MKNK1: variants seen among roughly 807,000 people sequenced by gnomAD.
MKNK1 encodes MAP kinase-interacting serine/threonine-protein kinase 1.
A neutral mutation model predicts 49.3 loss-of-function variants in MKNK1; 30 were observed. That is an observed-to-expected ratio of 0.61 (90% CI 0.46 to 0.83). MKNK1 has a LOEUF of 0.83. Among genes scored for constraint, MKNK1 ranks in the 40% least tolerant of loss-of-function variants. The pLI is 0.00. For missense variants in MKNK1, 423 were observed against 524.7 expected, an observed-to-expected ratio of 0.81 and a Z score of 1.89; for synonymous variants, 176 against 201.7, an observed-to-expected ratio of 0.87 and a Z score of 1.08.
rs1675121704 is a variant in MKNK1 at position 46,604,242 on chromosome 1, C to A, written c.-228G>T. The A allele has an allele frequency of 6.6e-6, 1 of 152,244 alleles. No individual in the cohort carries two copies. The allele number at this position is 152,244 out of a possible 1,614,324, so 9.4% of individuals were successfully genotyped here. On this transcript the variant is annotated 5_prime_UTR_variant, in exon 1 of 13. Coordinates refer to ENST00000371945, the MANE Select transcript of MKNK1 (RefSeq NM_001135553.4). ...GCACCCCTACCTGCAGATCGCTCCT[C>A]CGAGAACGCGGAAGAGGCGGTGCTA...
At position 46,558,713 on chromosome 1, in the gene MKNK1, T is replaced by C; in HGVS notation, c.1101A>G (p.Leu367=). Residue 367 remains leucine, a synonymous_variant, in exon 13 of 13, where the codon CTA becomes CTG. Coordinates refer to ENST00000371945, the MANE Select transcript of MKNK1 (RefSeq NM_001135553.4). ...RQLSQHEENE[L]AEEPEALADG... is the part of the protein sequence containing the mutation. Reference sequence around the variant, plus strand: ...CAGCTAGTGCCTCTGGCTCCTCTGCTAGTTCGTTCTCTTCGTGCTGAGATA... The same window carrying C: ...CAGCTAGTGCCTCTGGCTCCTCTGCCAGTTCGTTCTCTTCGTGCTGAGATA... The C allele has an allele frequency of 6.2e-7, 1 of 1,614,240 alleles. No homozygotes were observed.
chr1:46,561,429 T>C (rs1399598182), intron 11 of MKNK1, 49 bp downstream of exon 11: 1 of 1,534,954 alleles, frequency 6.5e-7, no homozygotes. Flanking sequence ...CTTGTGGCCA[T>C]GCCACAGGCC....
intron 1 of MKNK1, 37 bp from the exon 2 acceptor site, chr1:46,594,317 T>C: frequency 2.9e-6 from 2 of 679,834 alleles, no homozygotes; most frequent in South Asian, 1.5e-5. Context: ...ATCAAAATGC[T>C]GACTTCTTTA....
rs770084718 is a variant in MKNK1 at position 46,558,745 on chromosome 1, G to A, written c.1069C>T (p.Arg357Cys). The change falls in exon 13 of 13, where the codon CGC becomes TGC. Residue 357 changes from arginine (R) to cysteine (C), a missense_variant. Transcript: ENST00000371945. ...TTCTCTTCGTGCTGAGATAGCTGGCGGTTAAGGGCGATGGCCTCAGCTGCG... is the reference window on the plus strand; with the variant it reads ...TTCTCTTCGTGCTGAGATAGCTGGCAGTTAAGGGCGATGGCCTCAGCTGCG... ...LFAAEAIALN[R>C]QLSQHEENEL... is the part of the protein sequence containing the mutation. 1.2e-6 allele frequency: 2 copies of A among 1,614,154 alleles called. No homozygotes were observed. The highest frequency in any genetic ancestry group is 1.7e-5 in the Admixed American group (1 of 60,018).
At chr1:46,594,084 G>C in intron 2 of MKNK1, 29 bp downstream of exon 2, 1 of 1,540,438 alleles carries the variant, frequency 6.5e-7, no homozygotes, top group Non-Finnish European at 9.0e-7. Flanking sequence ...TAATCTAAAA[G>C]GATAACTAAA....
At chr1:46,570,941 T>A (rs1463197625) in intron 7 of MKNK1, among the ~76,000 whole-genome samples, 1 of 152,236 alleles carries the variant, frequency 6.6e-6, no homozygotes, top group South Asian at 2.1e-4. Context: ...CAGTCGATGA[T>A]GTTATTATCT....
intron 5 of MKNK1, chr1:46,576,287 G>C (rs572293211): frequency 2.9e-6 from 1 of 344,938 alleles, no homozygotes; most frequent in South Asian, 3.3e-5. Flanking sequence ...GGTACCGAAA[G>C]AAATAAAACC....
chr1:46,602,762 C>T (rs1395305170), intron 1 of MKNK1, among the ~76,000 whole-genome samples: 1 of 152,202 alleles, frequency 6.6e-6, no homozygotes, highest in Non-Finnish European at 1.5e-5. Context: ...GACACCACTG[C>T]TCTATATAGT....
rs1196550570 is a variant in MKNK1 at position 46,580,518 on chromosome 1, TGA to T, written c.198+10_198+11del. On this transcript the variant is annotated intron_variant, in intron 4 of 12. Coordinates refer to ENST00000371945, the MANE Select transcript of MKNK1 (RefSeq NM_001135553.4). ...TGCAAAGTAAAGCCTGGCATTCAGC[TGA>T]GACACTCACTTTGACGGCATACTCT... 6.3e-7 allele frequency: 1 copy of T among 1,592,216 alleles called. No individual in the cohort carries two copies. Among genetic ancestry groups the T allele is most frequent in the South Asian group, 1.1e-5 (1 of 90,710 alleles).
chr1:46,572,051 G>A lies in MKNK1; in HGVS notation c.457+12C>T. 2 of 1,613,354 alleles carry A rather than the reference G, an allele frequency of 1.2e-6. No individual in the cohort carries two copies. Among genetic ancestry groups the A allele is most frequent in the East Asian group, 2.2e-5 (1 of 44,872 alleles). ...AGCCCAACCCACCCACCAAGGCAAAGGCTGGGTTCACCTTTGGTATGCAGG... is the reference window on the plus strand; with the variant it reads ...AGCCCAACCCACCCACCAAGGCAAAAGCTGGGTTCACCTTTGGTATGCAGG... On this transcript the variant is annotated intron_variant, in intron 7 of 12. Transcript: ENST00000371945.
chr1:46,602,187 G>A (rs1031715530), intron 1 of MKNK1, among the ~76,000 whole-genome samples: 5 of 152,320 alleles, frequency 3.3e-5, no homozygotes, highest in East Asian at 1.9e-4. Flanking sequence ...CCAGGCAGGC[G>A]GATCACCTGA....
intron 7 of MKNK1, among the ~76,000 whole-genome samples, chr1:46,570,581 G>C (rs1669931401): frequency 6.6e-6 from 1 of 152,226 alleles, no homozygotes; most frequent in Admixed American, 6.5e-5. Context: ...CACCAGGTGG[G>C]ATGTGTGAGT....
At chr1:46,594,669 C>A (rs1673813801) in intron 1 of MKNK1, among the ~76,000 whole-genome samples, 1 of 152,174 alleles carries the variant, frequency 6.6e-6, no homozygotes, top group Non-Finnish European at 1.5e-5. Flanking sequence ...AGAGATAAGA[C>A]ACCTCTGCTC....
intron 1 of MKNK1, among the ~76,000 whole-genome samples, chr1:46,598,121 G>A (rs1213551028): frequency 6.6e-6 from 1 of 152,102 alleles, no homozygotes; most frequent in Non-Finnish European, 1.5e-5. Flanking sequence ...AAGAAGAAAT[G>A]GCTTAAGTTA....
At chr1:46,562,929 G>A in intron 9 of MKNK1, 86 bp from the exon 10 acceptor site, 1 of 1,143,158 alleles carries the variant, frequency 8.7e-7, no homozygotes, top group African/African-American at 1.6e-5. Context: ...AGAGCAGACT[G>A]TGATGGGACT....
chr1:46,583,145 G>C, intron 3 of MKNK1, 83 bp downstream of exon 3: 1 of 1,052,680 alleles, frequency 9.5e-7, no homozygotes, highest in South Asian at 1.4e-5. Flanking sequence ...GACGCATTCT[G>C]TGATCGGACC....
Position 46,565,025 on chromosome 1 carries a change from G to C in MKNK1, c.609+16C>G. The C allele has an allele frequency of 1.2e-6, 2 of 1,611,588 alleles. No individual in the cohort carries two copies. Among genetic ancestry groups the C allele is most frequent in the Non-Finnish European group, 1.7e-6 (2 of 1,177,700 alleles). On this transcript the variant is annotated intron_variant, in intron 9 of 12. Coordinates refer to ENST00000371945, the MANE Select transcript of MKNK1 (RefSeq NM_001135553.4). ...AACACTCCAAATACTTAGGAGCCCA[G>C]AGGAAGCATACGTACTGGGGTGGTC... is the stretch of plus-strand genomic sequence containing the variant.
intron 9 of MKNK1, chr1:46,563,713 C>G (rs1381748630): frequency 6.6e-6 from 1 of 152,178 alleles, no homozygotes; most frequent in Non-Finnish European, 1.5e-5. Flanking sequence ...AGATACAACA[C>G]AGGCATATTA....
chr1:46,586,048 A>AAGCG (rs1375906828), intron 2 of MKNK1: 2 of 640,528 alleles, frequency 3.1e-6, no homozygotes, highest in East Asian at 1.2e-4. Flanking sequence ...ACACAGGGGG[A>AAGCG]AGCGAGAGGT....
Sources: gnomAD v4.1 joint callset for allele counts (sites outside exome capture counted in the v4.1 genomes callset) on GRCh38, gnomAD v4.1.1 for gene constraint, MANE v1.5 for transcripts, NCBI Gene and HGNC (gene_info 2026-07-23, HGNC 2026-07-21) for gene names.